The following MYH1 variants were observed in gnomAD, a reference collection of about 807,000 sequenced individuals.
MYH1 encodes myosin heavy chain 1, also known as myosin-1.
Under a neutral mutation model 225.6 loss-of-function variants are expected in MYH1, and 214 were observed. That is an observed-to-expected ratio of 0.95 (90% CI 0.85 to 1.06). The LOEUF (loss-of-function observed/expected upper bound fraction) is 1.06, where lower values mean the gene tolerates loss of function less well. Among genes scored for constraint, MYH1 ranks in the 50% least tolerant of loss-of-function variants. The pLI, the probability that MYH1 is intolerant of heterozygous loss-of-function variation, is 0.00. For missense variants in MYH1, 2,098 were observed against 2,344.2 expected, an observed-to-expected ratio of 0.89 and a Z score of 2.17; for synonymous variants, 774 against 842.3, an observed-to-expected ratio of 0.92 and a Z score of 1.40.
In MYH1 at chr17:10,509,537, G is replaced by A. The variant is rs565383342; in HGVS notation, c.1535C>T (p.Thr512Met). The change falls in exon 15 of 40, where the codon ACG (threonine) becomes ATG (methionine). Residue 512 changes from threonine (T) to methionine (M), a missense_variant. Physicochemically the swap from Thr to Met is moderately conservative, Grantham distance 81 (BLOSUM62 -1). Transcript: ENST00000226207. ...EEYKKEGIEWTFIDFGMDLAA... is the reference protein window; with the variant it reads ...EEYKKEGIEWMFIDFGMDLAA... ...CAGGTCCATCCCAAAGTCAATGAAC[G>A]TCCACTCAATGCCTTCCTTCTTGTA... 1.9e-4 allele frequency: 314 copies of A among 1,614,124 alleles called. 2 individuals are homozygous for A. In the South Asian group the frequency reaches 3.1e-3, roughly 16 times the overall value.
rs1308157165 is a variant in MYH1 at position 10,509,503 on chromosome 17, G to A, written c.1569C>T (p.Cys523=). 6.2e-7 allele frequency: 1 copy of A among 1,614,154 alleles called. No homozygotes were observed. The highest frequency in any genetic ancestry group is 2.2e-5 in the East Asian group (1 of 44,866). ...FIDFGMDLAA[C]IELIEKPMGI... is the part of the protein sequence containing the mutation. The stretch of plus-strand genomic sequence containing the variant: ...AGCCAACCTTCTCGATGAGCTCGAT[G>A]CAGGCAGCCAGGTCCATCCCAAAGT... The change falls in exon 15 of 40, where the codon TGC becomes TGT. Residue 523 remains cysteine, a synonymous_variant. Transcript: ENST00000226207.
chr17:10,514,242 A>C, intron 6 of MYH1, 118 bp from the exon 7 acceptor site: 1 of 1,189,412 alleles, frequency 8.4e-7, no homozygotes, highest in Non-Finnish European at 1.2e-6. Context: ...TTTTCAGCCT[A>C]CATATAGCTC....
At chr17:10,502,012 T>C (rs769591758) in intron 24 of MYH1, 101 bp from the exon 25 acceptor site, 19 of 1,201,018 alleles carry the variant, frequency 1.6e-5, no homozygotes, top group Admixed American at 5.8e-5. Context: ...ACTATTTTTC[T>C]ATGAATTAGG....
chr17:10,516,080 G>T lies in MYH1; in HGVS notation c.351C>A (p.Thr117=), dbSNP rs761787827. ...KERYAAWMIY[T]YSGLFCVTVN... is the part of the protein sequence containing the mutation. ...CAGTGACACAGAACAAGCCTGAGTA[G>T]GTCTGCACCCAAAACAAAAGGGAGG... Residue 117 remains threonine (T), a splice_region_variant and synonymous_variant, in exon 5 of 40, where the codon ACC becomes ACA. Transcript: ENST00000226207. The T allele has an allele frequency of 1.2e-6, 2 of 1,613,862 alleles. No individual in the cohort carries two copies. The highest frequency in any genetic ancestry group is 1.3e-5 in the African/African-American group (1 of 74,906).
chr17:10,498,488 C>A, intron 30 of MYH1, 138 bp downstream of exon 30: 1 of 1,190,374 alleles, frequency 8.4e-7, no homozygotes, highest in Non-Finnish European at 1.2e-6. Context: ...CTCTCAGAAT[C>A]TCTTCTAAGG....
chr17:10,504,956 T>G lies in MYH1; in HGVS notation c.2545A>C (p.Thr849Pro). 6.2e-7 allele frequency: 1 copy of G among 1,614,164 alleles called. No individual in the cohort carries two copies. ...KIKPLLKSAE[T>P]EKEMANMKEE... ...TTCATGTTGGCCATCTCCTTCTCTGTCTCTGCACTTTTGAGGAGGGGTTTG... is the reference window on the plus strand; with the variant it reads ...TTCATGTTGGCCATCTCCTTCTCTGGCTCTGCACTTTTGAGGAGGGGTTTG... The change falls in exon 22 of 40, where the codon ACA (threonine) becomes CCA (proline). Residue 849 changes from threonine to proline, a missense_variant. Thr to Pro is a conservative substitution (Grantham distance 38). Coordinates refer to ENST00000226207, the MANE Select transcript of MYH1 (RefSeq NM_005963.4).
At position 10,505,526 on chromosome 17, in the gene MYH1, C is replaced by G. The variant is rs893620374; in HGVS notation, c.2175-15G>C. 6.2e-7 allele frequency: 1 copy of G among 1,605,668 alleles called. No individual in the cohort carries two copies. The highest frequency in any genetic ancestry group is 1.3e-5 in the African/African-American group (1 of 74,202). ...ACACCTTGTATCTGTTTAAGCCAGACAAAAAAATGATATGGCTGTTGCCAC... is the reference window on the plus strand; with the variant it reads ...ACACCTTGTATCTGTTTAAGCCAGAGAAAAAAATGATATGGCTGTTGCCAC... On this transcript the variant is annotated splice_polypyrimidine_tract_variant and intron_variant, in intron 19 of 39. Coordinates refer to ENST00000226207, the MANE Select transcript of MYH1 (RefSeq NM_005963.4).
chr17:10,517,604 C>T (rs1011792815), intron 2 of MYH1, among the ~76,000 whole-genome samples: 2 of 152,134 alleles, frequency 1.3e-5, no homozygotes, highest in African/African-American at 4.8e-5. Context: ...CATTTGGATA[C>T]ATTTCTCCCA....
At position 10,512,407 on chromosome 17, in the gene MYH1, C is replaced by T; in HGVS notation, c.1147+1G>A. 1.2e-6 allele frequency: 2 copies of T among 1,614,106 alleles called. No individual in the cohort carries two copies. The highest frequency in any genetic ancestry group is 1.7e-6 in the Non-Finnish European group (2 of 1,179,984). On this transcript the variant is annotated splice_donor_variant, in intron 12 of 39. Transcript: ENST00000226207. LOFTEE classifies it high-confidence loss of function. ...AACCCAGATGGAGATTCATTTGGTACCTTCAGTGCCATCTGGCTCAGCTTG... is the reference window on the plus strand; with the variant it reads ...AACCCAGATGGAGATTCATTTGGTATCTTCAGTGCCATCTGGCTCAGCTTG...
chr17:10,507,924 TCTTCTTACCAC>T lies in MYH1; in HGVS notation c.1919_1929del (p.Gly640GlufsTer18). ...GACACAGTCTGGAAAGAAGAACCCT[TCTTCTTACCAC>T]CTTTCTTTCCACCGCCAGCCTCTGA... On this transcript the variant is annotated frameshift_variant, in exon 17 of 40. Transcript: ENST00000226207. LOFTEE classifies it high-confidence loss of function. The T allele has an allele frequency of 6.2e-7, 1 of 1,613,624 alleles. No individual in the cohort carries two copies. The highest frequency in any genetic ancestry group is 8.5e-7 in the Non-Finnish European group (1 of 1,179,852).
At chr17:10,513,288 T>C (rs999583935) in intron 9 of MYH1, among the ~76,000 whole-genome samples, 1 of 152,138 alleles carries the variant, frequency 6.6e-6, no homozygotes, top group African/African-American at 2.4e-5. Context: ...GCAACAGTAT[T>C]AAAGCTCAGA....
intron 24 of MYH1, 94 bp from the exon 25 acceptor site, chr17:10,502,005 A>T: frequency 1.6e-6 from 2 of 1,264,816 alleles, no homozygotes; most frequent in South Asian, 3.2e-5. Flanking sequence ...GCAGCAAACT[A>T]TTTTTCTATG....
Position 10,508,351 on chromosome 17 carries a change from A to G in MYH1, c.1897+12T>C, listed in dbSNP as rs1261310752. The G allele has an allele frequency of 1.3e-6, 2 of 1,579,316 alleles. No individual in the cohort carries two copies. The highest frequency in any genetic ancestry group is 1.7e-6 in the Non-Finnish European group (2 of 1,163,730). On this transcript the variant is annotated intron_variant, in intron 16 of 39. Transcript: ENST00000226207. Reference sequence around the variant, plus strand: ...ATACATTAGGTAAAAGATTAATTATATTGATAATTACCTGCTTCCGCTCCC... The same window carrying G: ...ATACATTAGGTAAAAGATTAATTATGTTGATAATTACCTGCTTCCGCTCCC...
In MYH1 at chr17:10,501,145, G is replaced by A. The variant is rs372634360; in HGVS notation, c.3703C>T (p.Leu1235Phe). The A allele has an allele frequency of 1.9e-6, 3 of 1,614,016 alleles. No homozygotes were observed. The African/African-American group carries it at 4.0e-5, about 22-fold the overall frequency. The change falls in exon 27 of 40, where the codon CTT (leucine) becomes TTT (phenylalanine). Residue 1235 changes from leucine to phenylalanine, a missense_variant. Physicochemically the swap from Leu to Phe is conservative, Grantham distance 22. Transcript: ENST00000226207. ...KSEMKMEIDD[L>F]ASNMETVSKA... ...GAGACAGTCTCCATGTTACTAGCAAGGTCATCGATCTCCATCTTCATCTCA... is the reference window on the plus strand; with the variant it reads ...GAGACAGTCTCCATGTTACTAGCAAAGTCATCGATCTCCATCTTCATCTCA...
At chr17:10,499,575 T>C (rs2073031914) in intron 28 of MYH1, among the ~76,000 whole-genome samples, 2 of 152,160 alleles carry the variant, frequency 1.3e-5, no homozygotes, top group African/African-American at 2.4e-5. Context: ...TAAGAAATGA[T>C]TAAGTGGTCT....
Position 10,494,337 on chromosome 17 carries a change from AG to A in MYH1, c.5667+16del, listed in dbSNP as rs755653047. The A allele has an allele frequency of 3.8e-5, 61 of 1,609,930 alleles. No individual in the cohort carries two copies. In the African/African-American group the frequency reaches 7.2e-4, roughly 19 times the overall value. On this transcript the variant is annotated intron_variant, in intron 39 of 39. Transcript: ENST00000226207. ...GTCATGTCTGAGAAAAATCACCCCAAGGGGTTGTGAACTCACCGCTTCTTCA... is the reference window on the plus strand; with the variant it reads ...GTCATGTCTGAGAAAAATCACCCCAAGGGTTGTGAACTCACCGCTTCTTCA...
chr17:10,508,126 C>T (rs1220971162), intron 16 of MYH1, among the ~76,000 whole-genome samples, 170 bp from the exon 17 acceptor site: 1 of 150,846 alleles, frequency 6.6e-6, no homozygotes, highest in African/African-American at 2.4e-5. Flanking sequence ...TCAAGCGATT[C>T]TCCTGCCTCA....
Position 10,507,934 on chromosome 17 carries a change from AC to A in MYH1, c.1919del (p.Gly640ValfsTer20). 6.2e-7 allele frequency: 1 copy of A among 1,613,688 alleles called. No homozygotes were observed. Among genetic ancestry groups the A allele is most frequent in the Non-Finnish European group, 8.5e-7 (1 of 1,179,848 alleles). On this transcript the variant is annotated frameshift_variant, in exon 17 of 40. Coordinates refer to ENST00000226207, the MANE Select transcript of MYH1 (RefSeq NM_005963.4). LOFTEE classifies it high-confidence loss of function. ...GGAAAGAAGAACCCTTCTTCTTACCACCTTTCTTTCCACCGCCAGCCTCTGA... is the reference window on the plus strand; with the variant it reads ...GGAAAGAAGAACCCTTCTTCTTACCACTTTCTTTCCACCGCCAGCCTCTGA... ...AEAEAGGGKK[G>X]GKKKGSSFQT...
In MYH1 at chr17:10,514,048, C is replaced by T; in HGVS notation, c.610G>A (p.Glu204Lys). The change falls in exon 7 of 40, where the codon GAG becomes AAG. Residue 204 changes from glutamate (E) to lysine (K), a missense_variant. Physicochemically the swap from Glu to Lys is moderately conservative, Grantham distance 56 (BLOSUM62 1). Transcript: ENST00000226207. ...GAAGTAACTTCTTCCTTCTTCTTCT[C>T]CCCAGTAACTGCAATTGTTGCAAAG... is the stretch of plus-strand genomic sequence containing the variant. ...QYFATIAVTG[E>K]KKKEEVTSGK... 1.2e-6 allele frequency: 2 copies of T among 1,614,186 alleles called. No homozygotes were observed. The highest frequency in any genetic ancestry group is 8.5e-7 in the Non-Finnish European group (1 of 1,180,008).
Sources: allele counts gnomAD v4.1 joint callset (sites outside exome capture counted in the v4.1 genomes callset), GRCh38; gene constraint gnomAD v4.1.1; transcripts MANE v1.5; gene names NCBI Gene and HGNC (gene_info 2026-07-23, HGNC 2026-07-21).